EYS: variants seen among roughly 807,000 people sequenced by gnomAD.
EYS encodes the protein protein eyes shut homolog.
Under a neutral mutation model 282.1 loss-of-function variants are expected in EYS, and 250 were observed. The observed-to-expected ratio is 0.89, with a 90% confidence interval of 0.80 to 0.98. The LOEUF (loss-of-function observed/expected upper bound fraction) is 0.98. Ranked by LOEUF, EYS falls within the 50% of genes least tolerant of loss-of-function variation. The pLI is 0.00. For missense variants in EYS, 4,016 were observed against 3,709.0 expected, an observed-to-expected ratio of 1.08 and a Z score of -2.15; for synonymous variants, 1,355 against 1,282.9, an observed-to-expected ratio of 1.06 and a Z score of -1.20.
intron 19 of EYS, among the ~76,000 whole-genome samples, chr6:64,842,904 A>G (rs889193674): frequency 6.6e-6 from 1 of 152,116 alleles, no homozygotes; most frequent in Non-Finnish European, 1.5e-5. Context: ...CCATTTTTTG[A>G]GGAGAAATTC....
chr6:65,174,606 G>T (rs1765183233), intron 12 of EYS, among the ~76,000 whole-genome samples: 1 of 151,218 alleles, frequency 6.6e-6, no homozygotes, highest in Non-Finnish European at 1.5e-5. Flanking sequence ...AAAGATTTTA[G>T]AAGATAATTC....
chr6:64,117,487 A>G (rs1773427943), intron 31 of EYS, among the ~76,000 whole-genome samples: 1 of 137,700 alleles, frequency 7.3e-6, no homozygotes, highest in Admixed American at 6.8e-5. Flanking sequence ...TTAAGAAAAA[A>G]GAGAATATTC....
chr6:64,561,606 T>A (rs1218569894), intron 26 of EYS, among the ~76,000 whole-genome samples: 1 of 151,950 alleles, frequency 6.6e-6, no homozygotes, highest in Non-Finnish European at 1.5e-5. Context: ...TACCTGGGAA[T>A]ACAGCAAACC....
intron 29 of EYS, among the ~76,000 whole-genome samples, chr6:64,323,504 C>A (rs1047116223): frequency 6.6e-6 from 1 of 152,026 alleles, no homozygotes; most frequent in Admixed American, 6.6e-5. Flanking sequence ...TGTGTGTGGA[C>A]ATATTTGCAT....
intron 26 of EYS, among the ~76,000 whole-genome samples, chr6:64,513,538 C>A (rs1777470439): frequency 6.6e-6 from 1 of 151,798 alleles, no homozygotes. Context: ...GTCCCTACAA[C>A]AAATGATTAA....
At chr6:65,230,469 T>G (rs996124233) in intron 12 of EYS, among the ~76,000 whole-genome samples, 1 of 151,936 alleles carries the variant, frequency 6.6e-6, no homozygotes. Flanking sequence ...TTTTATACAA[T>G]GCCATACATT....
chr6:65,039,828 A>G (rs1240544491), intron 13 of EYS, among the ~76,000 whole-genome samples: 1 of 151,714 alleles, frequency 6.6e-6, no homozygotes, highest in Non-Finnish European at 1.5e-5. Context: ...TGGAATATAA[A>G]TAATCATTGC....
chr6:65,408,410 C>G (rs996334314), intron 5 of EYS, among the ~76,000 whole-genome samples: 10 of 152,012 alleles, frequency 6.6e-5, no homozygotes, highest in African/African-American at 2.4e-4. Flanking sequence ...AAATATCTGG[C>G]AGGTCTATAT....
chr6:65,324,733 G>A (rs1336369148), intron 11 of EYS, among the ~76,000 whole-genome samples: 1 of 152,208 alleles, frequency 6.6e-6, no homozygotes, highest in Non-Finnish European at 1.5e-5. Flanking sequence ...TGGCTCTGCT[G>A]TGTGACTTGG....
rs1407932115 is a variant in EYS, at chr6:64,807,552, C to A, written c.3443+5826G>T. ...ATATATAGTTTGGGAATGGCAAAGA[C>A]TTTGAAAATCTTATCTATTATTTGT... is the stretch of plus-strand genomic sequence containing the variant. On this transcript the variant is annotated intron_variant, in intron 22 of 42. Transcript: ENST00000503581. Among the ~76,000 whole-genome samples, 2 of 152,104 alleles carry A rather than the reference C, an allele frequency of 1.3e-5. 1 individual carries two copies. The highest frequency in any genetic ancestry group is 4.8e-5 in the African/African-American group (2 of 41,430).
At chr6:65,050,738 A>G (rs1278200065) in intron 13 of EYS, among the ~76,000 whole-genome samples, 5 of 151,568 alleles carry the variant, frequency 3.3e-5, no homozygotes, top group African/African-American at 4.8e-5. Context: ...TGGCCTGTGA[A>G]GGCTGAAAAA....
intron 36 of EYS, chr6:63,806,757 G>A (rs1184755355): frequency 6.4e-6 from 1 of 156,014 alleles, no homozygotes. Flanking sequence ...ATATGACTTA[G>A]AGAGGAGCTC....
intron 40 of EYS, among the ~76,000 whole-genome samples, chr6:63,763,951 C>T (rs556762116): frequency 1.7e-3 from 254 of 147,542 alleles, no homozygotes; most frequent in Non-Finnish European, 2.4e-3. Flanking sequence ...TTGCCCCCTC[C>T]GGCCTCCCTC....
chr6:64,765,831 C>A (rs1204835120), intron 22 of EYS, among the ~76,000 whole-genome samples: 1 of 152,082 alleles, frequency 6.6e-6, no homozygotes, highest in Non-Finnish European at 1.5e-5. Context: ...CCTGGCCCCT[C>A]CTCCAATACT....
chr6:64,331,405 G>A (rs1770640776), intron 29 of EYS, among the ~76,000 whole-genome samples: 3 of 152,130 alleles, frequency 2.0e-5, no homozygotes, highest in Admixed American at 6.5e-5. Context: ...CGACAGAGAA[G>A]CCAAAAGAGC....
rs546963314 is a variant in EYS, at chr6:64,957,160, T to G, written c.2260-11246A>C. On this transcript the variant is annotated intron_variant, in intron 14 of 42. Transcript: ENST00000503581. ...AGCATTGTTCACAATAGCCAAGACT[T>G]GCAAGCAACCTAAGTGTCCATCAAA... Among the ~76,000 whole-genome samples the G allele has an allele frequency of 5.6e-4, 85 of 152,250 alleles. 1 individual carries two copies. The highest frequency in any genetic ancestry group is 2.0e-3 in the African/African-American group (83 of 41,540).
intron 33 of EYS, among the ~76,000 whole-genome samples, chr6:64,049,674 G>A (rs1257311291): frequency 6.6e-6 from 1 of 152,126 alleles, no homozygotes; most frequent in African/African-American, 2.4e-5. Context: ...CCCAACTTGT[G>A]ACCTCTCAAA....
chr6:65,582,416 C>T (rs1259817755), intron 2 of EYS, among the ~76,000 whole-genome samples: 5 of 152,078 alleles, frequency 3.3e-5, no homozygotes, highest in African/African-American at 1.2e-4. Context: ...GATTGTCTAA[C>T]GAATTTATAA....
chr6:65,560,285 T>C (rs1768993840), intron 2 of EYS, among the ~76,000 whole-genome samples: 1 of 144,944 alleles, frequency 6.9e-6, no homozygotes, highest in Non-Finnish European at 1.5e-5. Context: ...TAACATATTA[T>C]TAATATAACA....
Sources: gnomAD v4.1 joint callset for allele counts (sites outside exome capture counted in the v4.1 genomes callset) on GRCh38, gnomAD v4.1.1 for gene constraint, MANE v1.5 for transcripts, NCBI Gene and HGNC (gene_info 2026-07-23, HGNC 2026-07-21) for gene names.